RUNX3: variants seen among roughly 807,000 people sequenced by gnomAD.
RUNX3 encodes RUNX family transcription factor 3.
Under a neutral mutation model 27.7 loss-of-function variants are expected in RUNX3, and 10 were observed. That is an observed-to-expected ratio of 0.36 (90% CI 0.22 to 0.61). The LOEUF is 0.61. RUNX3 is among the 20% of genes least tolerant of loss of function. RUNX3 has a pLI of 0.72. For missense variants in RUNX3, 469 were observed against 629.5 expected (o/e 0.75, Z 2.73); for synonymous variants, 270 against 269.2 (o/e 1.00, Z -0.03).
At chr1:24,960,651 C>A (rs1309245496) in intron 2 of RUNX3, among the ~76,000 whole-genome samples, 1 of 152,072 alleles carries the variant, frequency 6.6e-6, no homozygotes, top group Non-Finnish European at 1.5e-5. Context: ...GAGGGTTCAG[C>A]AAAGGTGACC....
At position 24,909,372 on chromosome 1, in the gene RUNX3, G is replaced by A. The variant is rs547444927; in HGVS notation, c.545-1955C>T. Among the ~76,000 whole-genome samples, 11 of 152,126 alleles carry A rather than the reference G, an allele frequency of 7.2e-5. No homozygotes were observed. In the South Asian group the frequency reaches 2.1e-3, roughly 29 times the overall value. ...TTTTCATCTTCCATGAATGGAAAACGCAAAGTAGGCTTCTCATGGAACTCT... is the reference window on the plus strand; with the variant it reads ...TTTTCATCTTCCATGAATGGAAAACACAAAGTAGGCTTCTCATGGAACTCT... On this transcript the variant is annotated intron_variant, in intron 3 of 4. Coordinates refer to ENST00000308873, the MANE Select transcript of RUNX3 (RefSeq NM_004350.3).
rs1400785702 is a variant in RUNX3, at chr1:24,919,268, C to T, written c.516G>A (p.Val172=). The T allele has an allele frequency of 1.9e-6, 3 of 1,601,364 alleles. No individual in the cohort carries two copies. The highest frequency in any genetic ancestry group is 2.6e-6 in the Non-Finnish European group (3 of 1,174,888). The change falls in exon 3 of 5, where the codon GTG becomes GTA. Residue 172 remains valine (V), a synonymous_variant. Transcript: ENST00000308873. ...TGGGCTCCCGGGGTCCGTCCACGGT[C>T]ACCTTGATGGCTCGGTGGTAGGTCG... ...QVATYHRAIK[V]TVDGPREPRR...
At chr1:24,911,177 C>T (rs368519106) in intron 3 of RUNX3, among the ~76,000 whole-genome samples, 5 of 152,216 alleles carry the variant, frequency 3.3e-5, no homozygotes, top group East Asian at 3.8e-4. Context: ...GCCGGGTGGA[C>T]GTGGGGACCA....
chr1:24,932,574 T>A (rs948597354), upstream of RUNX3, among the ~76,000 whole-genome samples: 25 of 152,316 alleles, frequency 1.6e-4, no homozygotes, highest in Admixed American at 7.2e-4. Flanking sequence ...GATGGCTTTG[T>A]GTCAAACCAA....
rs889367724 is a variant in RUNX3 at position 24,962,753 on chromosome 1, G to C, written c.58+1761C>G. ...TCTCTGGGCGCATACATGACATGTT[G>C]GGCCAAAGCCACCTCTCCCTTTGTG... On this transcript the variant is annotated intron_variant, in intron 2 of 6. Coordinates refer to the RUNX3 transcript ENST00000338888. The surrounding 1 kb of genome is among the most constrained non-coding windows in gnomAD (Gnocchi z 4.5). Among the ~76,000 whole-genome samples the C allele has an allele frequency of 2.6e-5, 4 of 152,146 alleles. No homozygotes were observed. Among genetic ancestry groups the C allele is most frequent in the Non-Finnish European group, 5.9e-5 (4 of 68,024 alleles).
chr1:24,912,904 C>T (rs1640822733), intron 3 of RUNX3, among the ~76,000 whole-genome samples: 1 of 152,128 alleles, frequency 6.6e-6, no homozygotes, highest in South Asian at 2.1e-4. Flanking sequence ...GCCCCAGGCC[C>T]AGAGCTGCTA....
rs1298979823 is a variant in RUNX3, at chr1:24,927,895, T to TC, written c.283-166dup. 6.6e-6 allele frequency among the ~76,000 whole-genome samples: 1 copy of TC among 151,788 alleles called. No individual in the cohort carries two copies. The highest frequency in any genetic ancestry group is 1.5e-5 in the Non-Finnish European group (1 of 67,954). The stretch of plus-strand genomic sequence containing the variant: ...AGAGGCTTAAAAACAATAAAGACCT[T>TC]CCCCCAAATATCACGAAAACAAGAA... On this transcript the variant is annotated intron_variant, in intron 1 of 4. Coordinates refer to ENST00000308873, the MANE Select transcript of RUNX3 (RefSeq NM_004350.3). This position sits in a 1 kb window ranked among gnomAD's most constrained non-coding sequence, Gnocchi z 5.0.
At chr1:24,950,725 C>T (rs950910598) in intron 2 of RUNX3, among the ~76,000 whole-genome samples, 1 of 152,100 alleles carries the variant, frequency 6.6e-6, no homozygotes, top group African/African-American at 2.4e-5. Flanking sequence ...TGTGTGCCTG[C>T]CCCTCGCTCA....
At chr1:24,961,510 G>A (rs1195070887) in intron 2 of RUNX3, 1 of 152,206 alleles carries the variant, frequency 6.6e-6, no homozygotes, top group Non-Finnish European at 1.5e-5. Context: ...GAGAGAACAC[G>A]GATCCAGAGA....
intron 2 of RUNX3, among the ~76,000 whole-genome samples, chr1:24,942,437 TGGG>T (rs1641500983): frequency 6.6e-6 from 1 of 151,860 alleles, no homozygotes; most frequent in South Asian, 2.1e-4. Flanking sequence ...AGAAAACAGA[TGGG>T]GGTAAAGTCA....
intron 2 of RUNX3, among the ~76,000 whole-genome samples, chr1:24,964,280 T>C (rs1053068418): frequency 6.6e-6 from 1 of 152,144 alleles, no homozygotes; most frequent in Admixed American, 6.5e-5. Context: ...GGAGTATCCA[T>C]CGCCCCCACG....
intron 2 of RUNX3, among the ~76,000 whole-genome samples, chr1:24,948,778 A>T (rs1424793402): frequency 6.6e-6 from 1 of 151,966 alleles, no homozygotes; most frequent in Non-Finnish European, 1.5e-5. Flanking sequence ...CATATCCAGG[A>T]CAAGGGTACA....
chr1:24,901,473 AAC>A lies in RUNX3; in HGVS notation c.*647_*648del, dbSNP rs1640548867. 1 of 152,934 alleles carries A rather than the reference AAC, an allele frequency of 6.5e-6. No homozygotes were observed. Among genetic ancestry groups the A allele is most frequent in the Non-Finnish European group, 1.5e-5 (1 of 68,246 alleles). The allele number at this position is 152,934 out of a possible 1,614,324, so 9.5% of individuals were successfully genotyped here. On this transcript the variant is annotated 3_prime_UTR_variant, in exon 5 of 5. Transcript: ENST00000308873. ...GGACCCGTGCGGCTGGGGGAAAGCCAACAGTTAGGAACGGAGGGGAAGCTGGG... is the reference window on the plus strand; with the variant it reads ...GGACCCGTGCGGCTGGGGGAAAGCCAAGTTAGGAACGGAGGGGAAGCTGGG...
At chr1:24,949,816 C>T (rs1215652428) in intron 2 of RUNX3, among the ~76,000 whole-genome samples, 1 of 152,270 alleles carries the variant, frequency 6.6e-6, no homozygotes, top group Admixed American at 6.5e-5. Context: ...TGGCCCTTGG[C>T]ACCCTGCTTG....
At chr1:24,934,378 C>T (rs1217906606), upstream of RUNX3, among the ~76,000 whole-genome samples, 1 of 151,842 alleles carries the variant, frequency 6.6e-6, no homozygotes, top group Non-Finnish European at 1.5e-5. Flanking sequence ...GATCTTTCTT[C>T]CTTTTTGGAA....
chr1:24,915,532 A>G (rs928704715), intron 3 of RUNX3, among the ~76,000 whole-genome samples: 2 of 152,204 alleles, frequency 1.3e-5, no homozygotes, highest in African/African-American at 4.8e-5. Context: ...GGTAACCTTA[A>G]AGCCAGGAAG....
intron 2 of RUNX3, among the ~76,000 whole-genome samples, chr1:24,945,485 G>A (rs1641583909): frequency 6.6e-6 from 1 of 152,176 alleles, no homozygotes; most frequent in Non-Finnish European, 1.5e-5. Flanking sequence ...GCTTCAATAT[G>A]CCAGACCCGG....
At chr1:24,915,793 G>C (rs534746379) in intron 3 of RUNX3, among the ~76,000 whole-genome samples, 1 of 152,250 alleles carries the variant, frequency 6.6e-6, no homozygotes, top group South Asian at 2.1e-4. Context: ...GGGGTAACGG[G>C]CACAGGCTAG....
intron 2 of RUNX3, among the ~76,000 whole-genome samples, chr1:24,947,548 C>G (rs977776023): frequency 6.6e-6 from 1 of 152,152 alleles, no homozygotes; most frequent in Admixed American, 6.5e-5. Context: ...AGTGGGCAGG[C>G]CTTTGACCAA....
Sources: gnomAD v4.1 joint callset for allele counts (sites outside exome capture counted in the v4.1 genomes callset) on GRCh38, gnomAD v4.1.1 for gene constraint, Gnocchi (gnomAD v3.1) non-coding constraint, MANE v1.5 for transcripts, NCBI Gene and HGNC (gene_info 2026-07-23, HGNC 2026-07-21) for gene names.